ZNF385B: variants seen among roughly 807,000 people sequenced by gnomAD.
ZNF385B encodes zinc finger protein 533.
ZNF385B carries 23 observed loss-of-function variants against 39.2 expected under a neutral mutation model. The observed-to-expected ratio is 0.59, with a 90% CI of 0.42 to 0.83. The LOEUF (loss-of-function observed/expected upper bound fraction) is 0.83, where lower values mean the gene tolerates loss of function less well. Among genes scored for constraint, ZNF385B ranks in the 40% least tolerant of loss-of-function variants. The probability of loss-of-function intolerance (pLI) is 0.00; values close to 1 mark genes in which losing one functional copy is unlikely to be tolerated. For missense variants in ZNF385B, 552 were observed against 598.9 expected (o/e 0.92, Z 0.82); for synonymous variants, 205 against 222.6 (o/e 0.92, Z 0.70).
intron 5 of ZNF385B, 84 bp from the exon 6 acceptor site, chr2:179,483,518 T>C: frequency 6.4e-7 from 1 of 1,558,454 alleles, no homozygotes; most frequent in Non-Finnish European, 8.8e-7. Context: ...AAATACATTC[T>C]ATCATAGGCA....
chr2:179,640,524 A>G (rs1692174570), intron 3 of ZNF385B, among the ~76,000 whole-genome samples: 4 of 152,118 alleles, frequency 2.6e-5, no homozygotes, highest in African/African-American at 9.7e-5. Flanking sequence ...CTAATATTTA[A>G]TAAAGTTATA....
chr2:179,694,979 AG>A (rs1198227534), intron 3 of ZNF385B, among the ~76,000 whole-genome samples: 13 of 151,826 alleles, frequency 8.6e-5, no homozygotes, highest in African/African-American at 2.7e-4. Flanking sequence ...GAGGAGGAGG[AG>A]GAGGAGGAGA....
chr2:179,794,007 G>C (rs938361174), intron 1 of ZNF385B, among the ~76,000 whole-genome samples: 3 of 152,214 alleles, frequency 2.0e-5, no homozygotes, highest in African/African-American at 7.2e-5. Flanking sequence ...GGAGAGGAAA[G>C]AACAACATTT....
chr2:179,749,674 C>T (rs1559158585), intron 3 of ZNF385B, among the ~76,000 whole-genome samples: 1 of 152,080 alleles, frequency 6.6e-6, no homozygotes, highest in Non-Finnish European at 1.5e-5. Context: ...CTACTGAAAA[C>T]CCTTCTCCCC....
intron 5 of ZNF385B, 104 bp downstream of exon 5, chr2:179,518,424 G>T: frequency 1.2e-6 from 1 of 823,494 alleles, no homozygotes; most frequent in Non-Finnish European, 1.9e-6. Flanking sequence ...CTACCAATAG[G>T]AGTGGCTGCT....
intron 3 of ZNF385B, among the ~76,000 whole-genome samples, chr2:179,630,499 C>T (rs1691101946): frequency 1.4e-5 from 2 of 147,706 alleles, no homozygotes; most frequent in Non-Finnish European, 3.0e-5. Flanking sequence ...GTCATCTACA[C>T]CAAAACCCCA....
At chr2:179,655,973 A>G (rs976418350) in intron 3 of ZNF385B, among the ~76,000 whole-genome samples, 8 of 152,190 alleles carry the variant, frequency 5.3e-5, no homozygotes, top group Admixed American at 5.2e-4. Context: ...CAGAGATTAT[A>G]TTAGTCTAGA....
intron 3 of ZNF385B, among the ~76,000 whole-genome samples, chr2:179,767,924 T>C (rs1293106065): frequency 6.7e-6 from 1 of 148,240 alleles, no homozygotes; most frequent in Non-Finnish European, 1.5e-5. Flanking sequence ...ATAATATTAT[T>C]AATAATATAA....
chr2:179,562,509 TGTG>T, intron 3 of ZNF385B: 1 of 985,330 alleles, frequency 1.0e-6, no homozygotes. Context: ...TCCCGTGAAA[TGTG>T]GTGCTAGGAA....
intron 6 of ZNF385B, among the ~76,000 whole-genome samples, chr2:179,460,397 T>A (rs548528308): frequency 6.6e-6 from 1 of 152,286 alleles, no homozygotes; most frequent in Non-Finnish European, 1.5e-5. Flanking sequence ...TAATAGTTCC[T>A]CCCTAAAATT....
intron 3 of ZNF385B, among the ~76,000 whole-genome samples, chr2:179,720,881 T>TCCCAAGTAGCTGTGA (rs1197632403): frequency 6.8e-6 from 1 of 148,096 alleles, no homozygotes; most frequent in African/African-American, 2.5e-5. Context: ...TGCCTCAGCC[T>TCCCAAGTAGCTGTGA]CCCAAGTAGC....
rs200835899 is a variant in ZNF385B, at chr2:179,676,603, G to GA, written c.298+92899_298+92900insT. Among the ~76,000 whole-genome samples the GA allele has an allele frequency of 8.2e-3, 1,244 of 152,320 alleles. 19 individuals carry two copies. The highest frequency in any genetic ancestry group is 0.029 in the African/African-American group (1,198 of 41,564). Reference sequence around the variant, plus strand: ...ATGGAGAATGACCTGGAGAGCAGCGGGGGGACAGGCAGAACAGGCCCACAG... The same window carrying GA: ...ATGGAGAATGACCTGGAGAGCAGCGGAGGGGACAGGCAGAACAGGCCCACAG... On this transcript the variant is annotated intron_variant, in intron 3 of 9. Transcript: ENST00000410066.
At chr2:179,730,423 G>A (rs372733977) in intron 3 of ZNF385B, among the ~76,000 whole-genome samples, 16 of 152,166 alleles carry the variant, frequency 1.1e-4, no homozygotes, top group African/African-American at 1.4e-4. Flanking sequence ...GACTTCTTAC[G>A]TTCTATCTCC....
Position 179,861,369 on chromosome 2 carries a change from C to CG in ZNF385B, c.-424dup, listed in dbSNP as rs1685054552. ...CTTAAGCGCCCGGCCGCTGCCCCCG[C>CG]GCTGAGCGCCTGCGCACCGGGCCTC... On this transcript the variant is annotated 5_prime_UTR_variant, in exon 1 of 10. Coordinates refer to ENST00000410066, the MANE Select transcript of ZNF385B (RefSeq NM_152520.6). 6.7e-6 allele frequency: 1 copy of CG among 150,174 alleles called. No individual in the cohort carries two copies. The highest frequency in any genetic ancestry group is 1.5e-5 in the Non-Finnish European group (1 of 67,392). The allele number at this position is 150,174 out of a possible 1,614,324, so 9.3% of individuals were successfully genotyped here.
chr2:179,799,309 T>A (rs1320703315), intron 1 of ZNF385B, among the ~76,000 whole-genome samples: 1 of 152,052 alleles, frequency 6.6e-6, no homozygotes, highest in East Asian at 1.9e-4. Flanking sequence ...GGCATCAATG[T>A]TAAAAGGGAA....
chr2:179,529,950 T>G (rs1173944636), intron 4 of ZNF385B, among the ~76,000 whole-genome samples: 2 of 152,162 alleles, frequency 1.3e-5, no homozygotes, highest in African/African-American at 2.4e-5. Flanking sequence ...TGTATCTCCT[T>G]CGGGTGAAAT....
At chr2:179,586,656 T>A (rs1463156048) in intron 3 of ZNF385B, among the ~76,000 whole-genome samples, 1 of 152,092 alleles carries the variant, frequency 6.6e-6, no homozygotes, top group Non-Finnish European at 1.5e-5. Context: ...TTCAAGAAGG[T>A]TTTAATGTGA....
At chr2:179,536,023 G>A (rs1378153014) in intron 4 of ZNF385B, among the ~76,000 whole-genome samples, 2 of 152,190 alleles carry the variant, frequency 1.3e-5, no homozygotes, top group African/African-American at 2.4e-5. Flanking sequence ...ACTGATTAAA[G>A]TTTATAGAGC....
intron 5 of ZNF385B, among the ~76,000 whole-genome samples, chr2:179,500,201 A>G (rs1271369969): frequency 1.3e-5 from 2 of 152,112 alleles, no homozygotes; most frequent in African/African-American, 2.4e-5. Context: ...AAGTGTCCAT[A>G]CTACCCAAAG....
Sources: allele counts gnomAD v4.1 joint callset (sites outside exome capture counted in the v4.1 genomes callset), GRCh38; gene constraint gnomAD v4.1.1; transcripts MANE v1.5; gene names NCBI Gene and HGNC (gene_info 2026-07-23, HGNC 2026-07-21).